PALM2AKAP2: variants seen among roughly 807,000 people sequenced by gnomAD.
PALM2AKAP2 encodes the protein PALM2-AKAP2 fusion protein.
PALM2AKAP2 carries 37 observed loss-of-function variants against 71.5 expected under a neutral mutation model. That is an observed-to-expected ratio of 0.52 (90% CI 0.40 to 0.68). The LOEUF is 0.68. PALM2AKAP2 is among the 30% of genes least tolerant of loss of function. The pLI is 0.00. For missense variants in PALM2AKAP2, 1,224 were observed against 1,191.8 expected, an observed-to-expected ratio of 1.03 and a Z score of -0.40; for synonymous variants, 468 against 478.8, an observed-to-expected ratio of 0.98 and a Z score of 0.29.
At chr9:110,117,863 A>G (rs1386166110) in intron 1 of PALM2AKAP2, among the ~76,000 whole-genome samples, 3 of 78,484 alleles carry the variant, frequency 3.8e-5, no homozygotes, top group Admixed American at 3.5e-4. Context: ...CAGATAAGCT[A>G]TATATATATA....
chr9:110,158,974 T>C (rs1417445388), intron 3 of PALM2AKAP2, among the ~76,000 whole-genome samples: 1 of 152,222 alleles, frequency 6.6e-6, no homozygotes, highest in Non-Finnish European at 1.5e-5. Flanking sequence ...GCCCTTCCAA[T>C]TTAGGGGACC....
exon 4 of PALM2AKAP2, chr9:109,923,762 A>C (rs540813825): frequency 6.2e-7 from 1 of 1,601,656 alleles, no homozygotes; most frequent in South Asian, 1.1e-5. Context: ...AAACGCTAGA[A>C]AGTGAAGAGT....
intron 1 of PALM2AKAP2, among the ~76,000 whole-genome samples, chr9:110,082,455 A>G (rs80236154): frequency 1.6e-4 from 25 of 152,320 alleles, no homozygotes; most frequent in African/African-American, 5.3e-4. Flanking sequence ...CACCTATAAA[A>G]TAAAGTATAT....
At chr9:109,923,657 C>G (rs1051822241) in intron 3 of PALM2AKAP2, 78 bp from the exon 4 acceptor site, 2 of 1,455,076 alleles carry the variant, frequency 1.4e-6, no homozygotes, top group Non-Finnish European at 1.8e-6. Context: ...ACAAATCGCC[C>G]AACAGGAAGG....
intron 1 of PALM2AKAP2, among the ~76,000 whole-genome samples, chr9:110,077,986 C>T (rs1834357190): frequency 6.6e-6 from 1 of 150,898 alleles, no homozygotes; most frequent in African/African-American, 2.4e-5. Flanking sequence ...TGCACTCCAG[C>T]CTGGGTGACA....
intron 6 of PALM2AKAP2, among the ~76,000 whole-genome samples, chr9:109,966,769 G>C (rs1474590663): frequency 1.3e-5 from 2 of 152,186 alleles, no homozygotes; most frequent in Non-Finnish European, 2.9e-5. Context: ...AGCTTAACAT[G>C]CATGTGAAAT....
rs980665795 is a variant in PALM2AKAP2, at chr9:109,999,404, G to T, written c.497-16550G>T. On this transcript the variant is annotated intron_variant, in intron 6 of 9. Coordinates refer to the PALM2AKAP2 transcript ENST00000302798. Reference sequence around the variant, plus strand: ...AAACAAATAAAAATAAAAAAAATGTGCTCAGGGTCTCACCACCCAGACATG... The same window carrying T: ...AAACAAATAAAAATAAAAAAAATGTTCTCAGGGTCTCACCACCCAGACATG... 2.0e-5 allele frequency among the ~76,000 whole-genome samples: 3 copies of T among 152,100 alleles called. No individual in the cohort carries two copies. The East Asian group carries it at 5.8e-4, about 29-fold the overall frequency.
At chr9:109,996,631 G>A (rs1024452268) in intron 6 of PALM2AKAP2, among the ~76,000 whole-genome samples, 1 of 152,238 alleles carries the variant, frequency 6.6e-6, no homozygotes, top group Non-Finnish European at 1.5e-5. Flanking sequence ...AGGGTAGGGT[G>A]TTGAAACACC....
intron 1 of PALM2AKAP2, among the ~76,000 whole-genome samples, chr9:109,745,463 C>G (rs1828785146): frequency 6.6e-6 from 1 of 151,880 alleles, no homozygotes; most frequent in African/African-American, 2.4e-5. Context: ...TCTCTGATCT[C>G]TTAAGTCGAC....
intron 1 of PALM2AKAP2, among the ~76,000 whole-genome samples, chr9:109,683,660 T>C (rs1827769460): frequency 6.6e-6 from 1 of 152,176 alleles, no homozygotes; most frequent in Non-Finnish European, 1.5e-5. Context: ...GCCATTTTCC[T>C]TGGGCCACAC....
upstream of PALM2AKAP2, among the ~76,000 whole-genome samples, chr9:109,779,094 C>T (rs1829392327): frequency 6.6e-6 from 1 of 152,136 alleles, no homozygotes; most frequent in Non-Finnish European, 1.5e-5. Flanking sequence ...TTTAACATGC[C>T]TTTAAATCCT....
chr9:109,974,657 A>G (rs983107269), intron 6 of PALM2AKAP2, among the ~76,000 whole-genome samples: 2 of 152,214 alleles, frequency 1.3e-5, no homozygotes, highest in African/African-American at 2.4e-5. Context: ...AATGGTTTAC[A>G]AAGTGTACCG....
chr9:109,977,003 T>C (rs978283982), intron 6 of PALM2AKAP2, among the ~76,000 whole-genome samples: 2 of 151,560 alleles, frequency 1.3e-5, no homozygotes, highest in Admixed American at 1.3e-4. Context: ...AACTTCACAG[T>C]GCATCCAGTT....
At chr9:109,691,181 A>ACACACACACT (rs1394708274) in intron 1 of PALM2AKAP2, among the ~76,000 whole-genome samples, 1 of 151,290 alleles carries the variant, frequency 6.6e-6, no homozygotes, top group African/African-American at 2.4e-5. Context: ...TTTTACACAC[A>ACACACACACT]CACACACACA....
intron 2 of PALM2AKAP2, among the ~76,000 whole-genome samples, chr9:110,148,346 C>T (rs1477299969): frequency 2.6e-5 from 4 of 152,142 alleles, no homozygotes; most frequent in Admixed American, 1.3e-4. Flanking sequence ...TAATATTTGA[C>T]AGTTTCTCAG....
Position 109,867,584 on chromosome 9 carries a change from T to C in PALM2AKAP2, c.126+13T>C. 6.2e-7 allele frequency: 1 copy of C among 1,609,656 alleles called. No individual in the cohort carries two copies. Reference sequence around the variant, plus strand: ...GCAGCATTCCAAGGTAAGCAGCTGATCCCAGGAACCTATTCCATTATTAGA... The same window carrying C: ...GCAGCATTCCAAGGTAAGCAGCTGACCCCAGGAACCTATTCCATTATTAGA... On this transcript the variant is annotated intron_variant, in intron 2 of 9. Transcript: ENST00000302798.
intron 6 of PALM2AKAP2, among the ~76,000 whole-genome samples, chr9:109,999,031 C>G (rs560172921): frequency 2.8e-4 from 43 of 152,088 alleles, no homozygotes; most frequent in Non-Finnish European, 5.1e-4. Context: ...GGAGGACAGT[C>G]CCTATCTTCA....
chr9:110,137,253 C>A (rs141019907), exon 2 of PALM2AKAP2: 6 of 1,614,236 alleles, frequency 3.7e-6, no homozygotes, highest in Non-Finnish European at 5.1e-6. Context: ...TCCAGGCAAG[C>A]GGTGGCCAAG....
At chr9:109,888,164 T>G (rs1232927446) in intron 3 of PALM2AKAP2, among the ~76,000 whole-genome samples, 1 of 152,212 alleles carries the variant, frequency 6.6e-6, no homozygotes, top group African/African-American at 2.4e-5. Context: ...GGAAACAGTG[T>G]GTGCTTCTGA....
Sources: gnomAD v4.1 joint callset for allele counts (sites outside exome capture counted in the v4.1 genomes callset) on GRCh38, gnomAD v4.1.1 for gene constraint, MANE v1.5 for transcripts, NCBI Gene and HGNC (gene_info 2026-07-23, HGNC 2026-07-21) for gene names.